The following SLC12A4 variants were observed in gnomAD, a reference collection of about 807,000 sequenced individuals.
The protein encoded by SLC12A4 is solute carrier family 12 member 4.
A neutral mutation model predicts 119.2 loss-of-function variants in SLC12A4; 84 were observed. The ratio of observed to expected loss-of-function variants is 0.70; its 90% CI spans 0.59 to 0.85. The LOEUF (loss-of-function observed/expected upper bound fraction) is 0.85. Among genes scored for constraint, SLC12A4 ranks in the 40% least tolerant of loss-of-function variants. The probability of loss-of-function intolerance (pLI) is 0.00; values close to 1 mark genes in which losing one functional copy is unlikely to be tolerated. For synonymous variants in SLC12A4, 599 were observed against 604.6 expected (o/e 0.99, Z 0.14); for missense variants, 1,298 against 1,476.3 (o/e 0.88, Z 1.98).
chr16:67,957,480 T>C, intron 5 of SLC12A4: 1 of 466,758 alleles, frequency 2.1e-6, no homozygotes, highest in Non-Finnish European at 3.9e-6. Context: ...TTTTTTGCAC[T>C]TTCAAACCCT....
Position 67,951,941 on chromosome 16 carries a change from T to C in SLC12A4, c.1014A>G (p.Leu338=), listed in dbSNP as rs887297537. The stretch of plus-strand genomic sequence containing the variant: ...TGGGGCTGTGGCAGAAGAAACTCCA[T>C]AGCTGGGTGGCCACTGTCTCATTGT... ...VVDNETVATQ[L]WSFFCHSPNL... is the part of the protein sequence containing the mutation. The change falls in exon 8 of 24, where the codon CTA becomes CTG. Residue 338 remains leucine, a synonymous_variant. Coordinates refer to ENST00000316341, the MANE Select transcript of SLC12A4 (RefSeq NM_005072.5). The surrounding 1 kb of genome is among the most constrained non-coding windows in gnomAD (Gnocchi z 5.2). 5 of 1,613,844 alleles carry C rather than the reference T, an allele frequency of 3.1e-6. No homozygotes were observed. The highest frequency in any genetic ancestry group is 4.5e-5 in the East Asian group (2 of 44,888).
At chr16:67,947,227 C>T (rs2058361339) in intron 16 of SLC12A4, 104 bp downstream of exon 16, 1 of 1,493,336 alleles carries the variant, frequency 6.7e-7, no homozygotes, top group African/African-American at 1.4e-5. Flanking sequence ...AGGAGGGTGC[C>T]CCGGGCAGCC....
At position 67,950,339 on chromosome 16, in the gene SLC12A4, T is replaced by C; in HGVS notation, c.1609A>G (p.Asn537Asp). The C allele has an allele frequency of 1.2e-6, 2 of 1,613,920 alleles. No homozygotes were observed. The highest frequency in any genetic ancestry group is 1.7e-6 in the Non-Finnish European group (2 of 1,179,990). ...CTCACCCGGAGGAAGGGGATGATGTTGTCCTTGGCAATGGCCTGCAATAGG... is the reference window on the plus strand; with the variant it reads ...CTCACCCGGAGGAAGGGGATGATGTCGTCCTTGGCAATGGCCTGCAATAGG... ...PRLLQAIAKD[N>D]IIPFLRVFGH... is the part of the protein sequence containing the mutation. Residue 537 changes from asparagine (N) to aspartate (D), a missense_variant, in exon 12 of 24, where the codon AAC (asparagine) becomes GAC (aspartate). By Grantham distance (23) the Asn-to-Asp change is conservative. Coordinates refer to ENST00000316341, the MANE Select transcript of SLC12A4 (RefSeq NM_005072.5). The surrounding 1 kb of genome is among the most constrained non-coding windows in gnomAD (Gnocchi z 4.3).
chr16:67,964,055 C>T (rs1216928001), intron 1 of SLC12A4: 1 of 1,548,892 alleles, frequency 6.5e-7, no homozygotes, highest in South Asian at 1.2e-5. Flanking sequence ...CTGGCTACCC[C>T]ACCATGCACT....
rs1053464889 is a variant in SLC12A4, at chr16:67,944,081, T to C, written c.*759A>G. Reference sequence around the variant, plus strand: ...CCAGCAGCAGCGTCACCCACTGCCATGGGGAGCCGGGCGGCCCCATTCCAG... The same window carrying C: ...CCAGCAGCAGCGTCACCCACTGCCACGGGGAGCCGGGCGGCCCCATTCCAG... On this transcript the variant is annotated 3_prime_UTR_variant, in exon 24 of 24. Coordinates refer to ENST00000316341, the MANE Select transcript of SLC12A4 (RefSeq NM_005072.5). The surrounding 1 kb of genome is among the most constrained non-coding windows in gnomAD (Gnocchi z 6.6). 1.1e-5 allele frequency: 17 copies of C among 1,547,946 alleles called. No homozygotes were observed. The highest frequency in any genetic ancestry group is 1.5e-5 in the Non-Finnish European group (17 of 1,146,316).
rs2058397926 is a variant in SLC12A4 at position 67,950,218 on chromosome 16, A to G, written c.1629+101T>C. The G allele has an allele frequency of 1.4e-6, 2 of 1,414,380 alleles. No individual in the cohort carries two copies. The highest frequency in any genetic ancestry group is 1.9e-6 in the Non-Finnish European group (2 of 1,045,214). The allele number at this position is 1,414,380 out of a possible 1,614,324, so 87.6% of individuals were successfully genotyped here. On this transcript the variant is annotated intron_variant, in intron 12 of 23. Transcript: ENST00000316341. The surrounding 1 kb of genome is among the most constrained non-coding windows in gnomAD (Gnocchi z 4.3). ...GGATGGCCGCCTGGCCCCGGGGGCC[A>G]ATAAGGGCAGGACGTGCTGCATCTG... is the stretch of plus-strand genomic sequence containing the variant.
At chr16:67,948,037 T>C in intron 14 of SLC12A4, 24 bp downstream of exon 14, 1 of 1,610,060 alleles carries the variant, frequency 6.2e-7, no homozygotes, top group Non-Finnish European at 8.5e-7. Flanking sequence ...CCCCAGGGTC[T>C]CCCGTGTCAG....
intron 18 of SLC12A4, 27 bp from the exon 19 acceptor site, chr16:67,946,367 C>G (rs1467508583): frequency 1.2e-6 from 2 of 1,605,176 alleles, no homozygotes; most frequent in Admixed American, 1.7e-5. Context: ...CGGCTGACCA[C>G]CAGTCTGTGG....
chr16:67,965,861 A>C (rs2030845048), intron 1 of SLC12A4, among the ~76,000 whole-genome samples: 1 of 152,196 alleles, frequency 6.6e-6, no homozygotes, highest in Non-Finnish European at 1.5e-5. Flanking sequence ...AGTGAAGCTC[A>C]AAGATGTTCA....
Position 67,948,152 on chromosome 16 carries a change from G to A in SLC12A4, c.1756C>T (p.Leu586=). Residue 586 remains leucine (L), a synonymous_variant, in exon 14 of 24, where the codon CTG becomes TTG. Coordinates refer to ENST00000316341, the MANE Select transcript of SLC12A4 (RefSeq NM_005072.5). ...MVAPILSMFF[L]MCYLFVNLAC... ...AGGTTCACGAACAGGTAGCACATCA[G>A]AAAGAACCTGCGGCACAGAGGGCGG... The A allele has an allele frequency of 1.2e-6, 2 of 1,613,242 alleles. No individual in the cohort carries two copies. Among genetic ancestry groups the A allele is most frequent in the Non-Finnish European group, 1.7e-6 (2 of 1,179,988 alleles).
intron 6 of SLC12A4, among the ~76,000 whole-genome samples, chr16:67,953,280 G>A (rs1567420536): frequency 2.0e-5 from 3 of 151,966 alleles, no homozygotes; most frequent in Non-Finnish European, 2.9e-5. Flanking sequence ...CCAGCTACTC[G>A]GGAGGCTGAG....
chr16:67,968,667 C>T (rs757523427), upstream of SLC12A4: 7 of 1,280,388 alleles, frequency 5.5e-6, no homozygotes, highest in South Asian at 1.8e-4. Flanking sequence ...CTCCCCGCTG[C>T]GCTCACTTCC....
In SLC12A4 at chr16:67,949,005, C is replaced by T. The variant is rs2058383301; in HGVS notation, c.1748+795G>A. On this transcript the variant is annotated intron_variant, in intron 13 of 23. Transcript: ENST00000316341. This position sits in a 1 kb window ranked among gnomAD's most constrained non-coding sequence, Gnocchi z 4.6. ...GCAAGAAGGAGCGTCAGCCACGGAG[C>T]AGGGTGGGCGAGGACCCCAGCCTGG... Among the ~76,000 whole-genome samples, 1 of 152,268 alleles carries T rather than the reference C, an allele frequency of 6.6e-6. No individual in the cohort carries two copies. Among genetic ancestry groups the T allele is most frequent in the Middle Eastern group, 3.4e-3 (1 of 294 alleles).
intron 5 of SLC12A4, 27 bp downstream of exon 5, chr16:67,957,715 A>T (rs1346031627): frequency 3.1e-6 from 5 of 1,611,900 alleles, no homozygotes; most frequent in Non-Finnish European, 3.4e-6. Context: ...TTTCTCTTCC[A>T]CCAGGCCTTG....
intron 5 of SLC12A4, chr16:67,957,534 T>C (rs747166022): frequency 8.4e-6 from 5 of 598,666 alleles, no homozygotes; most frequent in South Asian, 2.2e-5. Flanking sequence ...TTTTTTGGTA[T>C]TGCTTTTATA....
At chr16:67,961,531 C>G in intron 3 of SLC12A4, 44 bp downstream of exon 3, 2 of 1,602,048 alleles carry the variant, frequency 1.2e-6, no homozygotes, top group Non-Finnish European at 1.7e-6. Flanking sequence ...GGTGCTGTGT[C>G]TGTCTTCCCA....
intron 3 of SLC12A4, among the ~76,000 whole-genome samples, chr16:67,960,283 G>A (rs764732334): frequency 1.3e-5 from 2 of 152,314 alleles, no homozygotes; most frequent in Non-Finnish European, 2.9e-5. Flanking sequence ...ACCCACTGTG[G>A]GCAGAGCACT....
At position 67,946,603 on chromosome 16, in the gene SLC12A4, CCTT is replaced by C; in HGVS notation, c.2269_2271del (p.Lys757del). 2 of 1,613,026 alleles carry C rather than the reference CCTT, an allele frequency of 1.2e-6. No individual in the cohort carries two copies. The highest frequency in any genetic ancestry group is 1.7e-6 in the Non-Finnish European group (2 of 1,179,780). On this transcript the variant is annotated inframe_deletion, in exon 18 of 24. Coordinates refer to ENST00000316341, the MANE Select transcript of SLC12A4 (RefSeq NM_005072.5). ...ACCACCACCTGGCAGAAGCCCTTCACCTTCTCAATTTCCATCATGTTCTTGATG... is the reference window on the plus strand; with the variant it reads ...ACCACCACCTGGCAGAAGCCCTTCACCTCAATTTCCATCATGTTCTTGATG...
intron 2 of SLC12A4, chr16:67,962,157 T>G (rs1183679458): frequency 3.2e-5 from 5 of 157,304 alleles, no homozygotes; most frequent in African/African-American, 1.2e-4. Context: ...AAGAGTGATG[T>G]CTGGGACAAG....
Sources: gnomAD v4.1 joint callset for allele counts (sites outside exome capture counted in the v4.1 genomes callset) on GRCh38, gnomAD v4.1.1 for gene constraint, Gnocchi (gnomAD v3.1) non-coding constraint, MANE v1.5 for transcripts, NCBI Gene and HGNC (gene_info 2026-07-23, HGNC 2026-07-21) for gene names.